CDK14: variants seen among roughly 807,000 people sequenced by gnomAD.
The protein encoded by CDK14 is cyclin dependent kinase 14.
In CDK14, 34 loss-of-function variants were observed where a neutral mutation model predicts 60.7. The ratio of observed to expected loss-of-function variants is 0.56; its 90% CI spans 0.43 to 0.75. The LOEUF is 0.75. Ranked by LOEUF, CDK14 falls within the 30% of genes least tolerant of loss-of-function variation. The probability of loss-of-function intolerance (pLI) is 0.00; values close to 1 mark genes in which losing one functional copy is unlikely to be tolerated. For synonymous variants in CDK14, 197 were observed against 203.7 expected, an observed-to-expected ratio of 0.97 and a Z score of 0.28; for missense variants, 482 against 564.1, an observed-to-expected ratio of 0.85 and a Z score of 1.47.
At chr7:90,697,896 A>T (rs1274300101) in intron 2 of CDK14, among the ~76,000 whole-genome samples, 1 of 151,668 alleles carries the variant, frequency 6.6e-6, no homozygotes, top group Non-Finnish European at 1.5e-5. Flanking sequence ...GTGAAACCCC[A>T]TCTCTACGAA....
rs1193653150 is a variant in CDK14, at chr7:90,860,290, C to G, written c.545-2885C>G. On this transcript the variant is annotated intron_variant, in intron 5 of 14. Coordinates refer to ENST00000380050, the MANE Select transcript of CDK14 (RefSeq NM_001287135.2). ...TACACAGAGTTAGAAAGATGTAAGACTAAATTCACCACCTAAATTTAATAA... is the reference window on the plus strand; with the variant it reads ...TACACAGAGTTAGAAAGATGTAAGAGTAAATTCACCACCTAAATTTAATAA... 5.3e-5 allele frequency among the ~76,000 whole-genome samples: 8 copies of G among 151,846 alleles called. No individual in the cohort carries two copies. The South Asian group carries it at 8.3e-4, about 16-fold the overall frequency.
intron 5 of CDK14, among the ~76,000 whole-genome samples, chr7:90,804,174 A>G (rs940091039): frequency 3.3e-5 from 5 of 152,246 alleles, no homozygotes; most frequent in African/African-American, 1.2e-4. Context: ...GAAATTTTTC[A>G]GTCTTGATGG....
intron 12 of CDK14, among the ~76,000 whole-genome samples, chr7:91,099,432 A>G (rs541878908): frequency 6.6e-6 from 1 of 152,274 alleles, no homozygotes; most frequent in Admixed American, 6.5e-5. Context: ...ACAGTGCTTT[A>G]ATCAACCACT....
intron 11 of CDK14, among the ~76,000 whole-genome samples, chr7:91,063,390 T>A (rs549228789): frequency 6.6e-6 from 1 of 152,366 alleles, no homozygotes; most frequent in East Asian, 1.9e-4. Context: ...GACTACTAAT[T>A]ATTCGCTCCG....
chr7:90,781,751 G>A (rs1254823636), intron 4 of CDK14, among the ~76,000 whole-genome samples: 5 of 151,232 alleles, frequency 3.3e-5, no homozygotes, highest in Admixed American at 2.6e-4. Context: ...ATTTCTGAGG[G>A]CTCTGTTCTG....
intron 14 of CDK14, among the ~76,000 whole-genome samples, chr7:91,141,808 G>T (rs1347884576): frequency 6.6e-6 from 1 of 151,652 alleles, no homozygotes; most frequent in Non-Finnish European, 1.5e-5. Context: ...TTTTGTTGTT[G>T]TTGTTGTTGT....
chr7:91,026,687 G>T (rs1250627777), intron 10 of CDK14, among the ~76,000 whole-genome samples: 1 of 152,136 alleles, frequency 6.6e-6, no homozygotes, highest in Non-Finnish European at 1.5e-5. Flanking sequence ...GTGACCTTCG[G>T]CAAGTTATGC....
intron 2 of CDK14, among the ~76,000 whole-genome samples, chr7:90,639,691 C>CAA (rs1176085956): frequency 7.3e-6 from 1 of 136,784 alleles, no homozygotes; most frequent in Non-Finnish European, 1.6e-5. Context: ...TTACTGCTGT[C>CAA]TTTTTGTTTG....
At chr7:90,719,809 C>T (rs1288890210) in intron 2 of CDK14, among the ~76,000 whole-genome samples, 1 of 152,156 alleles carries the variant, frequency 6.6e-6, no homozygotes, top group African/African-American at 2.4e-5. Flanking sequence ...ATTTTTGTTA[C>T]TTCAGTTTCT....
intron 4 of CDK14, among the ~76,000 whole-genome samples, chr7:90,750,149 A>G (rs1803765245): frequency 8.0e-6 from 1 of 124,904 alleles, no homozygotes; most frequent in South Asian, 2.7e-4. Context: ...GGAAGGGGAA[A>G]GAAAACACAC....
intron 12 of CDK14, among the ~76,000 whole-genome samples, chr7:91,088,794 A>T (rs539158178): frequency 2.7e-4 from 41 of 152,328 alleles, no homozygotes; most frequent in African/African-American, 8.4e-4. Context: ...TAAATTATTC[A>T]AATCTCCCCA....
intron 14 of CDK14, among the ~76,000 whole-genome samples, chr7:91,205,157 TC>T (rs1688252988): frequency 6.6e-6 from 1 of 152,080 alleles, no homozygotes; most frequent in Admixed American, 6.5e-5. Context: ...ACATATAATT[TC>T]CATATGACCT....
intron 10 of CDK14, among the ~76,000 whole-genome samples, chr7:90,985,805 C>A (rs1409524666): frequency 6.6e-6 from 1 of 152,160 alleles, no homozygotes; most frequent in African/African-American, 2.4e-5. Flanking sequence ...TAGAAACCAT[C>A]CTCAAAGTGT....
chr7:90,689,504 T>C (rs1217404029), intron 2 of CDK14, among the ~76,000 whole-genome samples: 2 of 152,076 alleles, frequency 1.3e-5, no homozygotes, highest in African/African-American at 4.8e-5. Flanking sequence ...TGAAAATGTT[T>C]AATTGAACTG....
intron 6 of CDK14, among the ~76,000 whole-genome samples, chr7:90,888,126 C>A (rs1406460983): frequency 6.6e-6 from 1 of 152,050 alleles, no homozygotes; most frequent in South Asian, 2.1e-4. Context: ...CCAAGGTGGG[C>A]GGATCATGAG....
At chr7:91,068,807 T>A (rs1170841515) in intron 11 of CDK14, among the ~76,000 whole-genome samples, 2 of 68,796 alleles carry the variant, frequency 2.9e-5, no homozygotes, top group African/African-American at 1.0e-4. Flanking sequence ...TACCTTATAT[T>A]AAAAAAAAAA....
intron 7 of CDK14, among the ~76,000 whole-genome samples, chr7:90,900,114 G>A (rs971518024): frequency 3.3e-5 from 5 of 152,090 alleles, no homozygotes; most frequent in African/African-American, 1.2e-4. Context: ...AAACTAAGAG[G>A]TCTTCACTTT....
chr7:91,181,307 G>A (rs936357981), intron 14 of CDK14, among the ~76,000 whole-genome samples: 1 of 152,020 alleles, frequency 6.6e-6, no homozygotes, highest in African/African-American at 2.4e-5. Context: ...CCCACAGTCA[G>A]TTTTGCTGAT....
intron 14 of CDK14, among the ~76,000 whole-genome samples, chr7:91,176,556 T>C (rs933897630): frequency 5.3e-5 from 8 of 152,000 alleles, no homozygotes; most frequent in East Asian, 1.9e-4. Context: ...ATTGATAGAC[T>C]GCTAGCAAGA....
Sources: gnomAD v4.1 joint callset for allele counts (sites outside exome capture counted in the v4.1 genomes callset) on GRCh38, gnomAD v4.1.1 for gene constraint, MANE v1.5 for transcripts, NCBI Gene and HGNC (gene_info 2026-07-23, HGNC 2026-07-21) for gene names.